RAPGEF3: variants seen among roughly 807,000 people sequenced by gnomAD.
The protein encoded by RAPGEF3 is 9330170P05Rik.
In RAPGEF3, 103 loss-of-function variants were observed where a neutral mutation model predicts 129.8. The observed-to-expected ratio is 0.79, with a 90% CI of 0.68 to 0.93. RAPGEF3 has a LOEUF of 0.93. Among genes scored for constraint, RAPGEF3 ranks in the 40% least tolerant of loss-of-function variants. The pLI is 0.00. For synonymous variants in RAPGEF3, 436 were observed against 482.6 expected, an observed-to-expected ratio of 0.90 and a Z score of 1.26; for missense variants, 1,117 against 1,207.4, an observed-to-expected ratio of 0.93 and a Z score of 1.11.
rs146740422 is a variant in RAPGEF3, at chr12:47,741,543, G to T, written c.1885C>A (p.Arg629Ser). 1 of 1,614,006 alleles carries T rather than the reference G, an allele frequency of 6.2e-7. No homozygotes were observed. Among genetic ancestry groups the T allele is most frequent in the Admixed American group, 1.7e-5 (1 of 60,008 alleles). The part of the protein sequence containing the change: ...GVATSLGLNE[R>S]LFVVNPQEVH... ...TCCTGTGGGTTGACAACAAAGAGACGCTCATTGAGCCCCAGAGATGTGGCC... is the reference window on the plus strand; with the variant it reads ...TCCTGTGGGTTGACAACAAAGAGACTCTCATTGAGCCCCAGAGATGTGGCC... The change falls in exon 19 of 28, where the codon CGT (arginine) becomes AGT (serine). Residue 629 changes from arginine to serine, a missense_variant. Physicochemically the swap from Arg to Ser is moderately radical, Grantham distance 110 (BLOSUM62 -1). Transcript: ENST00000449771.
rs754590304 is a variant in RAPGEF3 at position 47,748,819 on chromosome 12, C to T, written c.1154G>A (p.Arg385Gln). The change falls in exon 11 of 28, where the codon CGG (arginine) becomes CAG (glutamine). Residue 385 changes from arginine to glutamine, a missense_variant and splice_region_variant. This residue lies in a region of RAPGEF3 where 107 missense variants were observed against 160.7 expected (regional missense o/e 0.67). Transcript: ENST00000449771. ...AGAGGGAGCATGGCAGGTGTATTAC[C>T]GGTTCCTGCCTGGGGTTGGGGGTCG... ...PSRPPTPGRNRYTVMSGTPEK... is the reference protein window; with the variant it reads ...PSRPPTPGRNQYTVMSGTPEK... The T allele has an allele frequency of 8.8e-6, 14 of 1,592,930 alleles. No homozygotes were observed. The highest frequency in any genetic ancestry group is 2.2e-5 in the South Asian group (2 of 90,702).
At position 47,751,141 on chromosome 12, in the gene RAPGEF3, C is replaced by CCCACGG; in HGVS notation, c.577_578insCCGTGG (p.Arg193delinsThrValGly). 2 of 1,566,402 alleles carry CCCACGG rather than the reference C, an allele frequency of 1.3e-6. No homozygotes were observed. Among genetic ancestry groups the CCCACGG allele is most frequent in the Non-Finnish European group, 1.7e-6 (2 of 1,156,038 alleles). On this transcript the variant is annotated protein_altering_variant, in exon 6 of 28. Coordinates refer to ENST00000449771, the MANE Select transcript of RAPGEF3 (RefSeq NM_001098531.4). ...CAACTCCTCCTCCATCTCATGAGTT[C>CCCACGG]TCACGGGCTCGGGCTCGGGCCCGGG...
chr12:47,746,845 G>T lies in RAPGEF3; in HGVS notation c.1596+15C>A. On this transcript the variant is annotated intron_variant, in intron 16 of 27. Coordinates refer to ENST00000449771, the MANE Select transcript of RAPGEF3 (RefSeq NM_001098531.4). ...CAGGAGGAGCAGAGGAAAGAAACTGGGGCCAGGCAGACACCTTCATCTGAG... is the reference window on the plus strand; with the variant it reads ...CAGGAGGAGCAGAGGAAAGAAACTGTGGCCAGGCAGACACCTTCATCTGAG... 1 of 1,586,718 alleles carries T rather than the reference G, an allele frequency of 6.3e-7. No homozygotes were observed.
In RAPGEF3 at chr12:47,757,850, G is replaced by C. The variant is rs1273148606; in HGVS notation, c.219+16C>G. 1.8e-5 allele frequency: 28 copies of C among 1,548,126 alleles called. No homozygotes were observed. Among genetic ancestry groups the C allele is most frequent in the Non-Finnish European group, 2.4e-5 (28 of 1,145,946 alleles). ...TGGTACTGGCCCTGGCACCTGGGCA[G>C]GTGAAAGGTACTCACCCAGCGCAGC... On this transcript the variant is annotated intron_variant, in intron 2 of 27. Coordinates refer to ENST00000449771, the MANE Select transcript of RAPGEF3 (RefSeq NM_001098531.4).
intron 2 of RAPGEF3, among the ~76,000 whole-genome samples, chr12:47,753,066 A>G (rs796786644): frequency 6.6e-6 from 1 of 152,210 alleles, no homozygotes. Flanking sequence ...CAAAGGGCTC[A>G]CTTTACAGTT....
At chr12:47,756,650 T>C (rs1942070897) in intron 2 of RAPGEF3, among the ~76,000 whole-genome samples, 1 of 152,134 alleles carries the variant, frequency 6.6e-6, no homozygotes. Flanking sequence ...GTGGTGGTTA[T>C]TCCACTCAAA....
rs778972736 is a variant in RAPGEF3, at chr12:47,758,585, A to G, written c.-29T>C. On this transcript the variant is annotated 5_prime_UTR_variant, in exon 1 of 28. Transcript: ENST00000449771. The stretch of plus-strand genomic sequence containing the variant: ...TCTTTTCAAGCTCGCACAGCCGTGC[A>G]GGCTCTAGCAAAAGGCTGGGGGGTC... The G allele has an allele frequency of 6.2e-7, 1 of 1,613,702 alleles. No individual in the cohort carries two copies. Among genetic ancestry groups the G allele is most frequent in the East Asian group, 2.2e-5 (1 of 44,836 alleles).
chr12:47,750,091 G>A, intron 7 of RAPGEF3, 101 bp from the exon 8 acceptor site: 1 of 1,401,278 alleles, frequency 7.1e-7, no homozygotes, highest in Non-Finnish European at 1.0e-6. Flanking sequence ...CAAGTGCTGG[G>A]GGACAAAGAT....
intron 18 of RAPGEF3, among the ~76,000 whole-genome samples, chr12:47,742,727 T>C (rs1941230963): frequency 6.6e-6 from 1 of 152,220 alleles, no homozygotes; most frequent in Admixed American, 6.5e-5. Flanking sequence ...AGTCCTCATC[T>C]GACAGGTGAG....
chr12:47,750,004 A>G lies in RAPGEF3; in HGVS notation c.757-14T>C. 6.2e-7 allele frequency: 1 copy of G among 1,614,136 alleles called. No homozygotes were observed. The highest frequency in any genetic ancestry group is 2.2e-5 in the East Asian group (1 of 44,878). Reference sequence around the variant, plus strand: ...TTCTCGCTTCACCTGTGTGGTGGAGATAGGAGAGTCGGTGGCGACAAGTTC... The same window carrying G: ...TTCTCGCTTCACCTGTGTGGTGGAGGTAGGAGAGTCGGTGGCGACAAGTTC... On this transcript the variant is annotated splice_polypyrimidine_tract_variant and intron_variant, in intron 7 of 27. Coordinates refer to ENST00000449771, the MANE Select transcript of RAPGEF3 (RefSeq NM_001098531.4).
chr12:47,750,036 A>G (rs1450920392), intron 7 of RAPGEF3, 46 bp from the exon 8 acceptor site: 1 of 1,609,724 alleles, frequency 6.2e-7, no homozygotes, highest in East Asian at 2.2e-5. Flanking sequence ...GTTCATGTGC[A>G]GAGCAGCCAG....
chr12:47,740,493 G>T, intron 21 of RAPGEF3, 98 bp from the exon 22 acceptor site: 1 of 1,493,564 alleles, frequency 6.7e-7, no homozygotes. Flanking sequence ...AGAGATCCAA[G>T]CTGGATGGGG....
intron 1 of RAPGEF3, 58 bp downstream of exon 1, chr12:47,758,493 T>A (rs1310507887): frequency 6.3e-7 from 1 of 1,597,668 alleles, no homozygotes; most frequent in African/African-American, 1.3e-5. Context: ...CCCCACCGTG[T>A]CAGCTTCCTC....
chr12:47,747,512 G>T (rs375201367), intron 15 of RAPGEF3, 32 bp downstream of exon 15: 5 of 1,604,296 alleles, frequency 3.1e-6, no homozygotes, highest in Non-Finnish European at 4.3e-6. Flanking sequence ...GCCAGTTATG[G>T]AAATGACAAA....
chr12:47,746,654 C>G (rs1941435588), intron 16 of RAPGEF3: 1 of 720,606 alleles, frequency 1.4e-6, no homozygotes, highest in East Asian at 2.7e-5. Context: ...AGGAGGGAGG[C>G]CACCTTAGGC....
At position 47,747,758 on chromosome 12, in the gene RAPGEF3, T is replaced by C. The variant is rs374937623; in HGVS notation, c.1427A>G (p.Tyr476Cys). ...AGGGTCAGTGTGGAGCATGGAGCCA[T>C]ACAGGGCCACCCACTGGCTGACCAG... Reference protein sequence around the residue: ...LRLVSQWVALYGSMLHTDPVA... With the variant: ...LRLVSQWVALCGSMLHTDPVA... The change falls in exon 14 of 28, where the codon TAT becomes TGT. Residue 476 changes from tyrosine (Y) to cysteine (C), a missense_variant. Tyr to Cys is a radical substitution (Grantham distance 194). Around this residue, in one of 3 missense-constraint regions of RAPGEF3, gnomAD observed 643 missense variants for 673.4 expected, o/e 0.95. Transcript: ENST00000449771. 2 of 1,609,202 alleles carry C rather than the reference T, an allele frequency of 1.2e-6. No individual in the cohort carries two copies. The highest frequency in any genetic ancestry group is 1.3e-5 in the African/African-American group (1 of 74,936).
chr12:47,743,565 T>C lies in RAPGEF3; in HGVS notation c.1790A>G (p.Lys597Arg). ...ATTGACCTTCACCAGCACCTGCCCC[T>C]TGGTCCAGCCATCCTCCTGGGCCAA... ...AALAQEDGWT[K>R]GQVLVKVNSA... Residue 597 changes from lysine to arginine, a missense_variant, in exon 18 of 28, where the codon AAG becomes AGG. By Grantham distance (26) the Lys-to-Arg change is conservative. Coordinates refer to ENST00000449771, the MANE Select transcript of RAPGEF3 (RefSeq NM_001098531.4). 1 of 1,614,128 alleles carries C rather than the reference T, an allele frequency of 6.2e-7. No individual in the cohort carries two copies. The highest frequency in any genetic ancestry group is 8.5e-7 in the Non-Finnish European group (1 of 1,179,990).
chr12:47,758,461 C>G, intron 1 of RAPGEF3, 90 bp downstream of exon 1: 1 of 1,586,158 alleles, frequency 6.3e-7, no homozygotes, highest in Non-Finnish European at 8.6e-7. Context: ...CCCTGACTAA[C>G]CCTCCCTCTC....
rs1187154500 is a variant in RAPGEF3, at chr12:47,744,306, T to C, written c.1597-238A>G. 3 of 559,678 alleles carry C rather than the reference T, an allele frequency of 5.4e-6. No homozygotes were observed. The African/African-American group carries it at 5.7e-5, about 11-fold the overall frequency. 34.7% of individuals were successfully genotyped at this position (559,678 alleles called of 1,614,324 possible). A position where few individuals can be genotyped will look rare whatever the true frequency, so the allele number is the denominator to read the frequency against. ...AAATCCATGCCCCTCCGTGTGTGTG[T>C]GCTTCTGCATCTGCCAGATAGGTCC... On this transcript the variant is annotated intron_variant, in intron 16 of 27. Transcript: ENST00000449771.
Sources: gnomAD v4.1 joint callset for allele counts (sites outside exome capture counted in the v4.1 genomes callset) on GRCh38, gnomAD v4.1.1 for gene constraint, gnomAD v4.1.1 regional missense constraint, MANE v1.5 for transcripts, NCBI Gene and HGNC (gene_info 2026-07-23, HGNC 2026-07-21) for gene names.